PSME4: variants seen among roughly 807,000 people sequenced by gnomAD.
PSME4 encodes the protein proteasome activator complex subunit 4.
PSME4 carries 89 observed loss-of-function variants against 253.9 expected under a neutral mutation model. That is an observed-to-expected ratio of 0.35 (90% CI 0.30 to 0.42). The LOEUF (loss-of-function observed/expected upper bound fraction) is 0.42, where lower values mean the gene tolerates loss of function less well. Among genes scored for constraint, PSME4 ranks in the 10% least tolerant of loss-of-function variants. PSME4 has a pLI of 1.00. For synonymous variants in PSME4, 851 were observed against 759.2 expected, an observed-to-expected ratio of 1.12 and a Z score of -1.99; for missense variants, 2,014 against 2,195.2, an observed-to-expected ratio of 0.92 and a Z score of 1.65.
At chr2:53,940,999 A>ATATATATATATG in intron 3 of PSME4, among the ~76,000 whole-genome samples, 1 of 96,496 alleles carries the variant, frequency 1.0e-5, no homozygotes, top group African/African-American at 3.4e-5. Context: ...ATATATATAT[A>ATATATATATATG]TGAAAGGAGT....
At chr2:53,872,720 C>A (rs1235986717) in intron 43 of PSME4, among the ~76,000 whole-genome samples, 7 of 49,714 alleles carry the variant, frequency 1.4e-4, no homozygotes, top group African/African-American at 3.9e-4. Context: ...ACAGCCTGGA[C>A]AACAAAGCAA....
At chr2:53,870,672 A>T (rs533361637) in intron 43 of PSME4, 1 of 152,138 alleles carries the variant, frequency 6.6e-6, no homozygotes, top group Admixed American at 6.5e-5. Flanking sequence ...TACCGCACCC[A>T]GCCACCAAAG....
chr2:53,962,808 C>G (rs553338453), intron 1 of PSME4, among the ~76,000 whole-genome samples: 83 of 151,888 alleles, frequency 5.5e-4, no homozygotes, highest in Non-Finnish European at 8.5e-4. Context: ...GTCTGGAGAT[C>G]GAGACCATCC....
At chr2:53,952,060 C>T (rs1670024172) in intron 1 of PSME4, among the ~76,000 whole-genome samples, 1 of 151,202 alleles carries the variant, frequency 6.6e-6, no homozygotes, top group African/African-American at 2.5e-5. Flanking sequence ...TCCCTAAAAA[C>T]TGGAACACAT....
In PSME4 at chr2:53,905,257, C is replaced by T. The variant is rs1427802874; in HGVS notation, c.2944-1101G>A. On this transcript the variant is annotated intron_variant, in intron 26 of 46. Coordinates refer to ENST00000404125, the MANE Select transcript of PSME4 (RefSeq NM_014614.3). ...GTTGCCAGGCTGGTCTTGAACTGAT[C>T]TCAAGTGATCCACCTGCCTTGGCCT... 2.6e-5 allele frequency among the ~76,000 whole-genome samples: 4 copies of T among 151,910 alleles called. No homozygotes were observed. In the South Asian group the frequency reaches 8.3e-4, roughly 32 times the overall value.
At chr2:53,905,257 C>A (rs1427802874) in intron 26 of PSME4, among the ~76,000 whole-genome samples, 2 of 151,910 alleles carry the variant, frequency 1.3e-5, no homozygotes, top group East Asian at 4.0e-4. Context: ...TTGAACTGAT[C>A]TCAAGTGATC....
intron 14 of PSME4, 63 bp from the exon 15 acceptor site, chr2:53,923,482 T>C: frequency 2.0e-6 from 3 of 1,469,132 alleles, no homozygotes; most frequent in Non-Finnish European, 2.7e-6. Context: ...TTACAGAACA[T>C]AAAAGAAAAT....
chr2:53,901,845 A>G (rs1026290203), intron 27 of PSME4, among the ~76,000 whole-genome samples: 1 of 152,170 alleles, frequency 6.6e-6, no homozygotes, highest in Non-Finnish European at 1.5e-5. Context: ...CAAATAAGGC[A>G]GACTGGTTGA....
At chr2:53,938,637 A>G (rs769007755) in intron 4 of PSME4, among the ~76,000 whole-genome samples, 1 of 152,158 alleles carries the variant, frequency 6.6e-6, no homozygotes, top group African/African-American at 2.4e-5. Context: ...CAAACAGCAT[A>G]TGAAAAATTC....
rs777187261 is a variant in PSME4 at position 53,895,664 on chromosome 2, T to A, written c.3761A>T (p.Lys1254Ile). Residue 1254 changes from lysine (K) to isoleucine (I), a missense_variant, in exon 33 of 47, where the codon AAA (lysine) becomes ATA (isoleucine). Lys to Ile is a moderately radical substitution (Grantham distance 102). This residue lies in a region of PSME4 where 989 missense variants were observed against 1,021.1 expected (regional missense o/e 0.97). Coordinates refer to ENST00000404125, the MANE Select transcript of PSME4 (RefSeq NM_014614.3). ...TTCTTTTTTAGTTCTTGGTATAGTTTTGCTGTCATAATGCAACCAATGATT... is the reference window on the plus strand; with the variant it reads ...TTCTTTTTTAGTTCTTGGTATAGTTATGCTGTCATAATGCAACCAATGATT... ...PDNHWLHYDS[K>I]TIPRTKKEWE... is the part of the protein sequence containing the mutation. The A allele has an allele frequency of 1.9e-6, 3 of 1,613,580 alleles. No individual in the cohort carries two copies. The highest frequency in any genetic ancestry group is 2.7e-5 in the African/African-American group (2 of 74,906).
At chr2:53,876,075 A>T (rs1335448944) in intron 41 of PSME4, among the ~76,000 whole-genome samples, 2 of 152,188 alleles carry the variant, frequency 1.3e-5, no homozygotes, top group Non-Finnish European at 2.9e-5. Context: ...GAATCATGTA[A>T]TGGACATCAT....
chr2:53,897,768 G>A, intron 31 of PSME4, 102 bp downstream of exon 31: 2 of 1,298,840 alleles, frequency 1.5e-6, no homozygotes, highest in Non-Finnish European at 1.1e-6. Flanking sequence ...TACACTTCAA[G>A]ATATTTATTA....
Position 53,920,945 on chromosome 2 carries a change from A to G in PSME4, c.2206T>C (p.Tyr736His), listed in dbSNP as rs1558684727. ...TCAAAGCCACCTGGCACACTGCAGTATTCTGTAGGGTAGATAAGTGTGGTA... is the reference window on the plus strand; with the variant it reads ...TCAAAGCCACCTGGCACACTGCAGTGTTCTGTAGGGTAGATAAGTGTGGTA... Reference protein sequence around the residue: ...RSTTLIYPTEYCSVPGGFDKP... With the variant: ...RSTTLIYPTEHCSVPGGFDKP... The change falls in exon 18 of 47, where the codon TAC becomes CAC. Residue 736 changes from tyrosine (Y) to histidine (H), a missense_variant. Tyr to His is a moderately conservative substitution (Grantham distance 83). Coordinates refer to ENST00000404125, the MANE Select transcript of PSME4 (RefSeq NM_014614.3). 1 of 1,614,050 alleles carries G rather than the reference A, an allele frequency of 6.2e-7. No individual in the cohort carries two copies.
At chr2:53,967,437 T>A (rs1274147834) in intron 1 of PSME4, among the ~76,000 whole-genome samples, 1 of 151,188 alleles carries the variant, frequency 6.6e-6, no homozygotes, top group African/African-American at 2.4e-5. Flanking sequence ...ATCACCTGGG[T>A]TCGAGACCAG....
intron 3 of PSME4, among the ~76,000 whole-genome samples, chr2:53,943,598 T>G (rs1312966341): frequency 2.6e-5 from 4 of 152,134 alleles, no homozygotes; most frequent in Non-Finnish European, 5.9e-5. Flanking sequence ...CCCAGCATTT[T>G]GGGAAGCCGA....
In PSME4 at chr2:53,899,966, G is replaced by T. The variant is rs1353295457; in HGVS notation, c.3337C>A (p.Pro1113Thr). ...CTAAGCAATATCTGGTTGATAGAGGGGTTTTTTGACTGTTGAAGTAATTCC... is the reference window on the plus strand; with the variant it reads ...CTAAGCAATATCTGGTTGATAGAGGTGTTTTTTGACTGTTGAAGTAATTCC... ...IAELLQQSKN[P>T]SINQILLSPE... Residue 1113 changes from proline to threonine, a missense_variant, in exon 29 of 47, where the codon CCC becomes ACC. Physicochemically the swap from Pro to Thr is conservative, Grantham distance 38. Coordinates refer to ENST00000404125, the MANE Select transcript of PSME4 (RefSeq NM_014614.3). 1.9e-6 allele frequency: 3 copies of T among 1,613,272 alleles called. No individual in the cohort carries two copies. The highest frequency in any genetic ancestry group is 1.7e-5 in the Admixed American group (1 of 59,968).
chr2:53,914,753 C>T (rs554746532), intron 20 of PSME4, among the ~76,000 whole-genome samples: 5 of 152,034 alleles, frequency 3.3e-5, no homozygotes, highest in Non-Finnish European at 7.4e-5. Flanking sequence ...TGGTGGCACA[C>T]GCCTGTAATC....
chr2:53,876,393 C>G (rs1679120905), intron 41 of PSME4, among the ~76,000 whole-genome samples: 1 of 152,124 alleles, frequency 6.6e-6, no homozygotes, highest in African/African-American at 2.4e-5. Flanking sequence ...TCCTTGGCCC[C>G]AGTAAGTCTT....
At chr2:53,937,220 T>C (rs778247871) in intron 5 of PSME4, among the ~76,000 whole-genome samples, 171 bp downstream of exon 5, 12 of 152,210 alleles carry the variant, frequency 7.9e-5, no homozygotes, top group Non-Finnish European at 1.6e-4. Flanking sequence ...ATCTCTTTAC[T>C]TTCAATCTTA....
Sources: gnomAD v4.1 joint callset for allele counts (sites outside exome capture counted in the v4.1 genomes callset) on GRCh38, gnomAD v4.1.1 for gene constraint, gnomAD v4.1.1 regional missense constraint, MANE v1.5 for transcripts, NCBI Gene and HGNC (gene_info 2026-07-23, HGNC 2026-07-21) for gene names.